The following NIBAN1 variants were observed in gnomAD, a reference collection of about 807,000 sequenced individuals.
NIBAN1 encodes the protein niban apoptosis regulator 1.
NIBAN1 carries 81 observed loss-of-function variants against 75.1 expected under a neutral mutation model. The observed-to-expected ratio is 1.08, with a 90% CI of 0.90 to 1.30. The LOEUF is 1.30. Ranked by LOEUF, NIBAN1 falls within the 50% of genes most tolerant of loss-of-function variation. The probability of loss-of-function intolerance (pLI) is 0.00; values close to 1 mark genes in which losing one functional copy is unlikely to be tolerated. For synonymous variants in NIBAN1, 436 were observed against 424.8 expected (o/e 1.03, Z -0.32); for missense variants, 1,133 against 1,128.1 (o/e 1.00, Z -0.06).
chr1:184,924,367 A>G (rs1557916535), intron 1 of NIBAN1, among the ~76,000 whole-genome samples: 1 of 152,236 alleles, frequency 6.6e-6, no homozygotes, highest in Non-Finnish European at 1.5e-5. Flanking sequence ...CATATATGGA[A>G]TCATCCTTGC....
At chr1:184,804,777 T>G (rs1166873409) in intron 11 of NIBAN1, among the ~76,000 whole-genome samples, 3 of 151,902 alleles carry the variant, frequency 2.0e-5, no homozygotes, top group South Asian at 4.2e-4. Context: ...TTGGTGTTTT[T>G]TTTTTTGTTT....
chr1:184,951,950 T>C (rs1327782571), intron 1 of NIBAN1, among the ~76,000 whole-genome samples: 1 of 152,204 alleles, frequency 6.6e-6, no homozygotes, highest in African/African-American at 2.4e-5. Context: ...ACCATCTTAT[T>C]ATTTCTTAGT....
chr1:184,913,166 G>A (rs1571568854), intron 1 of NIBAN1, among the ~76,000 whole-genome samples: 1 of 55,048 alleles, frequency 1.8e-5, no homozygotes. Context: ...ATATATATAT[G>A]CCTTTCATAC....
intron 5 of NIBAN1, among the ~76,000 whole-genome samples, chr1:184,865,534 C>T (rs1014000758): frequency 1.2e-4 from 18 of 152,100 alleles, no homozygotes; most frequent in Non-Finnish European, 1.5e-5. Flanking sequence ...CATTCATACC[C>T]CAAACCTCAG....
At position 184,797,977 on chromosome 1, in the gene NIBAN1, A is replaced by G. The variant is rs1653922470; in HGVS notation, c.1666+102T>C. On this transcript the variant is annotated intron_variant, in intron 13 of 13. Coordinates refer to ENST00000367511, the MANE Select transcript of NIBAN1 (RefSeq NM_052966.4). ...CTGTCTCCCTCCCTCACCAATGTCC[A>G]TTTCCTCTTCTCTTTTCCTCCCTGA... The G allele has an allele frequency of 6.8e-6, 4 of 591,746 alleles. No homozygotes were observed. In the South Asian group the frequency reaches 8.6e-5, roughly 13 times the overall value. The allele number at this position is 591,746 out of a possible 1,614,324, so 36.7% of individuals were successfully genotyped here.
At chr1:184,916,678 T>A (rs1657392401) in intron 1 of NIBAN1, among the ~76,000 whole-genome samples, 2 of 152,086 alleles carry the variant, frequency 1.3e-5, no homozygotes, top group African/African-American at 2.4e-5. Context: ...AAAATAAAGA[T>A]ATTTTATATT....
intron 1 of NIBAN1, among the ~76,000 whole-genome samples, chr1:184,900,360 C>G (rs1656921623): frequency 6.6e-6 from 1 of 152,176 alleles, no homozygotes; most frequent in Non-Finnish European, 1.5e-5. Context: ...CAACCTCAGT[C>G]AAGTCATTCG....
At chr1:184,837,114 A>G (rs1202995415) in intron 5 of NIBAN1, among the ~76,000 whole-genome samples, 1 of 152,198 alleles carries the variant, frequency 6.6e-6, no homozygotes, top group East Asian at 1.9e-4. Flanking sequence ...TTCAAGAGAA[A>G]CCAGATTAGC....
At chr1:184,882,180 C>G (rs1240119711) in intron 5 of NIBAN1, among the ~76,000 whole-genome samples, 1 of 152,138 alleles carries the variant, frequency 6.6e-6, no homozygotes, top group Non-Finnish European at 1.5e-5. Context: ...TGGCCCTTAT[C>G]CCAGCCCTAA....
chr1:184,893,541 AG>A (rs1656725075), intron 3 of NIBAN1, among the ~76,000 whole-genome samples: 1 of 152,210 alleles, frequency 6.6e-6, no homozygotes, highest in South Asian at 2.1e-4. Flanking sequence ...ATGGAAATAA[AG>A]TATGTGAGGC....
At chr1:184,946,863 C>T (rs571580666) in intron 1 of NIBAN1, among the ~76,000 whole-genome samples, 1 of 151,984 alleles carries the variant, frequency 6.6e-6, no homozygotes, top group Non-Finnish European at 1.5e-5. Context: ...CACCTGAGGT[C>T]GGGAGTTTGA....
At chr1:184,907,730 C>T (rs185894504) in intron 1 of NIBAN1, among the ~76,000 whole-genome samples, 89 of 152,266 alleles carry the variant, frequency 5.8e-4, no homozygotes, top group Non-Finnish European at 1.0e-3. Flanking sequence ...ATTGGATTCT[C>T]CATAATTGAA....
chr1:184,815,639 T>C lies in NIBAN1; in HGVS notation c.1173+2999A>G, dbSNP rs142216069. On this transcript the variant is annotated intron_variant, in intron 9 of 13. Transcript: ENST00000367511. ...GTCTATTATGTGCACTTATAGGGTATAATTTTATTTGTGAAGGATTTTGCA... is the reference window on the plus strand; with the variant it reads ...GTCTATTATGTGCACTTATAGGGTACAATTTTATTTGTGAAGGATTTTGCA... Among the ~76,000 whole-genome samples, 896 of 152,342 alleles carry C rather than the reference T, an allele frequency of 5.9e-3. 5 individuals are homozygous for C. The highest frequency in any genetic ancestry group is 0.01 in the Non-Finnish European group (712 of 68,030).
chr1:184,859,829 T>C (rs889926382), intron 5 of NIBAN1, among the ~76,000 whole-genome samples: 2 of 152,104 alleles, frequency 1.3e-5, no homozygotes, highest in African/African-American at 4.8e-5. Context: ...GGTGGGGGTT[T>C]CATGGGCAGC....
At chr1:184,937,994 C>T (rs1162636766) in intron 1 of NIBAN1, among the ~76,000 whole-genome samples, 11 of 152,160 alleles carry the variant, frequency 7.2e-5, no homozygotes, top group Non-Finnish European at 1.5e-4. Flanking sequence ...TTTATCAGGC[C>T]AGCCGAGGCA....
intron 1 of NIBAN1, among the ~76,000 whole-genome samples, chr1:184,931,253 G>A (rs1351873662): frequency 6.6e-6 from 1 of 152,094 alleles, no homozygotes; most frequent in Non-Finnish European, 1.5e-5. Context: ...ACCCACCTCG[G>A]CCTCCCAAAG....
chr1:184,919,113 T>C (rs1657465207), intron 1 of NIBAN1, among the ~76,000 whole-genome samples: 1 of 152,246 alleles, frequency 6.6e-6, no homozygotes, highest in South Asian at 2.1e-4. Context: ...CAAATAAATT[T>C]TAAGTTGTCA....
chr1:184,964,204 G>C (rs1164156855), intron 1 of NIBAN1, among the ~76,000 whole-genome samples: 2 of 152,210 alleles, frequency 1.3e-5, no homozygotes, highest in African/African-American at 4.8e-5. Flanking sequence ...GAGTGGAAGG[G>C]ACAACGAGTT....
At position 184,868,855 on chromosome 1, in the gene NIBAN1, G is replaced by T. The variant is rs547111971; in HGVS notation, c.601+15778C>A. On this transcript the variant is annotated intron_variant, in intron 5 of 13. Transcript: ENST00000367511. ...ACACGGGCTTGAAGTCGGCCTGCTT[G>T]GCTTTAAAATCTTGTCCTGATCACC... Among the ~76,000 whole-genome samples the T allele has an allele frequency of 2.6e-5, 4 of 152,232 alleles. No homozygotes were observed. The East Asian group carries it at 7.7e-4, about 29-fold the overall frequency.
Sources: allele counts gnomAD v4.1 joint callset (sites outside exome capture counted in the v4.1 genomes callset), GRCh38; gene constraint gnomAD v4.1.1; transcripts MANE v1.5; gene names NCBI Gene and HGNC (gene_info 2026-07-23, HGNC 2026-07-21).